DAOA: variants seen among roughly 807,000 people sequenced by gnomAD.
DAOA encodes the protein D-amino acid oxidase regulator.
DAOA carries 15 observed loss-of-function variants against 16.4 expected under a neutral mutation model. The ratio of observed to expected loss-of-function variants is 0.91; its 90% CI spans 0.61 to 1.41. DAOA has a LOEUF of 1.41. Among genes scored for constraint, DAOA ranks in the 40% most tolerant of loss-of-function variants. The pLI, the probability that DAOA is intolerant of heterozygous loss-of-function variation, is 0.00. For missense variants in DAOA, 230 were observed against 176.8 expected (o/e 1.30, Z -1.71); for synonymous variants, 75 against 59.1 (o/e 1.27, Z -1.23).
chr13:105,477,504 A>G (rs9514389), intron 4 of DAOA, among the ~76,000 whole-genome samples: 54,486 of 151,936 alleles, frequency 0.36, 9,892 homozygotes, highest in African/African-American at 0.4. Flanking sequence ...AAAGTAGGGG[A>G]ACTGCTTGAG....
intron 3 of DAOA, among the ~76,000 whole-genome samples, chr13:105,472,236 G>A (rs1877006343): frequency 6.6e-6 from 1 of 152,136 alleles, no homozygotes; most frequent in East Asian, 1.9e-4. Flanking sequence ...AGGCACCACA[G>A]TTAATTTTTT....
rs145245285 is a variant in DAOA at position 105,489,066 on chromosome 13, C to T, written c.282-835C>T. On this transcript the variant is annotated intron_variant, in intron 4 of 5. Transcript: ENST00000375936. ...TATTGCATTACAATGTGGTAGAGCC[C>T]GGATACTGTGGGTAGTACTTACAGG... is the stretch of plus-strand genomic sequence containing the variant. Among the ~76,000 whole-genome samples the T allele has an allele frequency of 5.8e-4, 88 of 152,246 alleles. No homozygotes were observed. In the East Asian group the frequency reaches 0.015, roughly 26 times the overall value.
intron 4 of DAOA, among the ~76,000 whole-genome samples, chr13:105,487,252 A>T (rs1878182361): frequency 6.6e-6 from 1 of 152,074 alleles, no homozygotes; most frequent in Non-Finnish European, 1.5e-5. Context: ...TCTGCTCCCC[A>T]TTGACTCCTC....
At chr13:105,469,034 T>C (rs1378836696) in intron 3 of DAOA, among the ~76,000 whole-genome samples, 1 of 152,168 alleles carries the variant, frequency 6.6e-6, no homozygotes, top group Non-Finnish European at 1.5e-5. Flanking sequence ...AGTGTAAAAT[T>C]AAGAAGACAG....
chr13:105,472,702 T>C lies in DAOA; in HGVS notation c.281+17T>C. On this transcript the variant is annotated intron_variant, in intron 4 of 5. Coordinates refer to ENST00000375936, the MANE Select transcript of DAOA (RefSeq NM_172370.5). Reference sequence around the variant, plus strand: ...CTATGCAGAGTATGTATCTTCTTCATTTTAAACTTTTAACCAGGAGAAAGC... The same window carrying C: ...CTATGCAGAGTATGTATCTTCTTCACTTTAAACTTTTAACCAGGAGAAAGC... The C allele has an allele frequency of 2.5e-6, 4 of 1,584,860 alleles. No individual in the cohort carries two copies. The highest frequency in any genetic ancestry group is 2.3e-5 in the East Asian group (1 of 44,298).
chr13:105,470,305 G>A (rs1241803729), intron 3 of DAOA, among the ~76,000 whole-genome samples: 2 of 151,744 alleles, frequency 1.3e-5, no homozygotes, highest in Non-Finnish European at 2.9e-5. Flanking sequence ...CCAGTTTTGG[G>A]GAAACTGGAA....
intron 4 of DAOA, among the ~76,000 whole-genome samples, chr13:105,473,349 G>T (rs1394353767): frequency 6.6e-6 from 1 of 151,670 alleles, no homozygotes; most frequent in Non-Finnish European, 1.5e-5. Flanking sequence ...TAATTAAATG[G>T]GACTTTTTCC....
chr13:105,480,008 T>C (rs1877602763), intron 4 of DAOA, among the ~76,000 whole-genome samples: 1 of 152,224 alleles, frequency 6.6e-6, no homozygotes, highest in East Asian at 1.9e-4. Context: ...CAGAAGCCTT[T>C]ATAAACTCCT....
At chr13:105,470,707 T>G (rs918142875) in intron 3 of DAOA, among the ~76,000 whole-genome samples, 1 of 152,126 alleles carries the variant, frequency 6.6e-6, no homozygotes, top group Non-Finnish European at 1.5e-5. Flanking sequence ...CGTCCTGGGT[T>G]CAAGCAATTC....
At chr13:105,476,761 G>A (rs1877369631) in intron 4 of DAOA, among the ~76,000 whole-genome samples, 1 of 151,706 alleles carries the variant, frequency 6.6e-6, no homozygotes, top group South Asian at 2.1e-4. Context: ...AGAGTACCTG[G>A]TGAGTACTCT....
chr13:105,484,985 CCTGT>C (rs1451599602), intron 4 of DAOA, among the ~76,000 whole-genome samples: 1 of 152,104 alleles, frequency 6.6e-6, no homozygotes, highest in Non-Finnish European at 1.5e-5. Flanking sequence ...TTTCAAATGT[CCTGT>C]CTGTTTCTTG....
At chr13:105,481,734 C>T (rs367560590) in intron 4 of DAOA, among the ~76,000 whole-genome samples, 2 of 152,230 alleles carry the variant, frequency 1.3e-5, no homozygotes, top group South Asian at 4.1e-4. Flanking sequence ...TTCTCTCTCC[C>T]TTGTATCCTT....
chr13:105,473,504 A>G (rs1329542835), intron 4 of DAOA, among the ~76,000 whole-genome samples: 1 of 152,160 alleles, frequency 6.6e-6, no homozygotes, highest in Middle Eastern at 3.2e-3. Context: ...AATAATGTTT[A>G]ACCAAATAAT....
chr13:105,482,922 A>G (rs1877854567), intron 4 of DAOA, among the ~76,000 whole-genome samples: 1 of 152,144 alleles, frequency 6.6e-6, no homozygotes. Flanking sequence ...GTATAATTGG[A>G]TAAGTTTTTA....
intron 4 of DAOA, among the ~76,000 whole-genome samples, chr13:105,478,741 C>T (rs1323999209): frequency 6.6e-6 from 1 of 152,182 alleles, no homozygotes; most frequent in Admixed American, 6.5e-5. Flanking sequence ...GGCGGAGACT[C>T]TGATTTGTCC....
intron 4 of DAOA, among the ~76,000 whole-genome samples, chr13:105,473,540 T>C (rs2139176917): frequency 6.6e-6 from 1 of 152,306 alleles, no homozygotes; most frequent in African/African-American, 2.4e-5. Flanking sequence ...ATGTTTTATC[T>C]GAGGCTATTT....
intron 3 of DAOA, among the ~76,000 whole-genome samples, chr13:105,468,484 T>C (rs991640517): frequency 2.0e-5 from 3 of 152,240 alleles, no homozygotes; most frequent in African/African-American, 7.2e-5. Flanking sequence ...ATTACTTGAA[T>C]ATGTTGGCTA....
chr13:105,472,610 A>G lies in DAOA; in HGVS notation c.206A>G (p.Tyr69Cys), dbSNP rs773346214. Residue 69 changes from tyrosine to cysteine, a missense_variant, in exon 4 of 6, where the codon TAT becomes TGT. By Grantham distance (194) the Tyr-to-Cys change is radical. Coordinates refer to ENST00000375936, the MANE Select transcript of DAOA (RefSeq NM_172370.5). Reference sequence around the variant, plus strand: ...TGGAAGAGAAGGCATGAGGACGGCTATTTGGAAATGGCACAGAGGCATTTA... The same window carrying G: ...TGGAAGAGAAGGCATGAGGACGGCTGTTTGGAAATGGCACAGAGGCATTTA... ...EGWKRRHEDG[Y>C]LEMAQRHLQR... 1.2e-6 allele frequency: 2 copies of G among 1,613,980 alleles called. No homozygotes were observed. Among genetic ancestry groups the G allele is most frequent in the Non-Finnish European group, 1.7e-6 (2 of 1,179,974 alleles).
At chr13:105,481,473 A>G (rs996506755) in intron 4 of DAOA, among the ~76,000 whole-genome samples, 1 of 152,120 alleles carries the variant, frequency 6.6e-6, no homozygotes, top group Admixed American at 6.6e-5. Flanking sequence ...TGGCTATTTC[A>G]TATATGTTTT....
Sources: allele counts gnomAD v4.1 joint callset (sites outside exome capture counted in the v4.1 genomes callset), GRCh38; gene constraint gnomAD v4.1.1; transcripts MANE v1.5; gene names NCBI Gene and HGNC (gene_info 2026-07-23, HGNC 2026-07-21).